USP45: variants seen among roughly 807,000 people sequenced by gnomAD.
USP45 encodes ubiquitin carboxyl-terminal hydrolase 45.
In USP45, 89 loss-of-function variants were observed where a neutral mutation model predicts 95.8. The ratio of observed to expected loss-of-function variants is 0.93; its 90% CI spans 0.78 to 1.11. The LOEUF is 1.11. Among genes scored for constraint, USP45 ranks in the 50% least tolerant of loss-of-function variants. USP45 has a pLI of 0.00. For missense variants in USP45, 898 were observed against 942.5 expected (o/e 0.95, Z 0.62); for synonymous variants, 281 against 316.2 (o/e 0.89, Z 1.18).
At chr6:99,484,137 A>G (rs1793221156) in intron 7 of USP45, among the ~76,000 whole-genome samples, 1 of 148,964 alleles carries the variant, frequency 6.7e-6, no homozygotes, top group Non-Finnish European at 1.5e-5. Flanking sequence ...CACCCAGTCA[A>G]AATTACAGAG....
intron 5 of USP45, among the ~76,000 whole-genome samples, chr6:99,500,452 C>A (rs1797140815): frequency 6.6e-6 from 1 of 152,106 alleles, no homozygotes; most frequent in South Asian, 2.1e-4. Context: ...ATCATACCGT[C>A]CATGCTCCCT....
At chr6:99,497,481 C>A (rs551634012) in intron 5 of USP45, among the ~76,000 whole-genome samples, 1 of 152,206 alleles carries the variant, frequency 6.6e-6, no homozygotes, top group East Asian at 1.9e-4. Flanking sequence ...TGGTGCCCCA[C>A]AATTCCCCTA....
At chr6:99,467,571 CATTA>C (rs1249529507) in intron 10 of USP45, among the ~76,000 whole-genome samples, 1 of 151,802 alleles carries the variant, frequency 6.6e-6, no homozygotes, top group Admixed American at 6.6e-5. Context: ...TATCAGTAAA[CATTA>C]ATTAAAATTG....
intron 13 of USP45, among the ~76,000 whole-genome samples, chr6:99,457,564 ATAT>A (rs1174500481): frequency 6.6e-6 from 1 of 152,204 alleles, no homozygotes; most frequent in African/African-American, 2.4e-5. Context: ...ATATGTACAA[ATAT>A]TATGTACCAA....
rs900703003 is a variant in USP45, at chr6:99,492,615, C to T, written c.479-3795G>A. 2.0e-5 allele frequency among the ~76,000 whole-genome samples: 3 copies of T among 151,772 alleles called. No individual in the cohort carries two copies. In the East Asian group the frequency reaches 5.8e-4, roughly 30 times the overall value. On this transcript the variant is annotated intron_variant, in intron 5 of 17. Coordinates refer to ENST00000500704, the MANE Select transcript of USP45 (RefSeq NM_001346022.3). The stretch of plus-strand genomic sequence containing the variant: ...GTACAAGTGATTCTCGTGCCTCAGT[C>T]TCCTAAGTAGTTGGGATTACAGGCA...
intron 13 of USP45, chr6:99,462,627 G>A: frequency 1.0e-6 from 1 of 985,280 alleles, no homozygotes; most frequent in Non-Finnish European, 1.2e-6. Flanking sequence ...TTTATTTATA[G>A]AAAACATGTT....
Position 99,450,577 on chromosome 6 carries a change from G to A in USP45, c.1309-4114C>T, listed in dbSNP as rs187161921. On this transcript the variant is annotated intron_variant, in intron 13 of 17. Transcript: ENST00000500704. ...AATCAAAAAAAGTTGAGGACCAGAC[G>A]GATTCACAGCCGAATTCTACCAGAG... 2.5e-3 allele frequency among the ~76,000 whole-genome samples: 381 copies of A among 152,222 alleles called. 2 individuals carry two copies. Among genetic ancestry groups the A allele is most frequent in the South Asian group, 0.021 (101 of 4,812 alleles).
At chr6:99,454,537 C>G (rs558745923) in intron 13 of USP45, among the ~76,000 whole-genome samples, 1 of 152,218 alleles carries the variant, frequency 6.6e-6, no homozygotes, top group South Asian at 2.1e-4. Context: ...TATCTGCAAA[C>G]TCTTCATCCT....
intron 10 of USP45, among the ~76,000 whole-genome samples, chr6:99,467,293 G>A (rs1788199816): frequency 6.6e-6 from 1 of 152,168 alleles, no homozygotes; most frequent in African/African-American, 2.4e-5. Context: ...AAAATAACCT[G>A]AGGTTGGGAG....
intron 13 of USP45, chr6:99,462,130 G>C: frequency 1.0e-6 from 1 of 983,824 alleles, no homozygotes; most frequent in Non-Finnish European, 1.2e-6. Context: ...CAAAAAAAAG[G>C]TAACTCTATT....
intron 13 of USP45, among the ~76,000 whole-genome samples, chr6:99,464,083 GA>G (rs1211926039): frequency 6.6e-6 from 1 of 151,772 alleles, no homozygotes; most frequent in Non-Finnish European, 1.5e-5. Context: ...GAGGCGGGCA[GA>G]TCACCTGAGG....
At chr6:99,444,997 G>T (rs972254056) in intron 14 of USP45, among the ~76,000 whole-genome samples, 14 of 152,278 alleles carry the variant, frequency 9.2e-5, no homozygotes, top group African/African-American at 2.9e-4. Flanking sequence ...GGATAAAGAT[G>T]AACTGAAAAT....
At position 99,464,744 on chromosome 6, in the gene USP45, A is replaced by T. The variant is rs765240768; in HGVS notation, c.1168T>A (p.Ser390Thr). ...ATTCTTCCCCAAAGTAAAGGTTTTG[A>T]AACCTATGTAAATGCCACATACAGA... ...ISLPIIEERV[S>T]KPLLWGRMNK... Residue 390 changes from serine (S) to threonine (T), a missense_variant, in exon 13 of 18, where the codon TCA becomes ACA. Transcript: ENST00000500704. The T allele has an allele frequency of 6.2e-6, 10 of 1,601,186 alleles. No individual in the cohort carries two copies. In the Admixed American group the frequency reaches 1.7e-4, roughly 27 times the overall value.
chr6:99,477,480 T>G (rs544595289), intron 8 of USP45, among the ~76,000 whole-genome samples: 1 of 152,124 alleles, frequency 6.6e-6, no homozygotes, highest in East Asian at 1.9e-4. Context: ...GCCCGGCTAA[T>G]TTTTGTATTT....
chr6:99,471,621 C>T (rs879848935), intron 9 of USP45, among the ~76,000 whole-genome samples: 2 of 152,148 alleles, frequency 1.3e-5, no homozygotes, highest in African/African-American at 4.8e-5. Flanking sequence ...GAAAAATTTA[C>T]AATTTCTGCA....
intron 13 of USP45, among the ~76,000 whole-genome samples, chr6:99,452,225 CCAT>C (rs1784031127): frequency 6.6e-6 from 1 of 152,090 alleles, no homozygotes; most frequent in Non-Finnish European, 1.5e-5. Context: ...AAAGAAACTA[CCAT>C]CAGAGTGAAC....
chr6:99,460,099 T>C (rs1278608726), intron 13 of USP45, among the ~76,000 whole-genome samples: 1 of 152,244 alleles, frequency 6.6e-6, no homozygotes, highest in Non-Finnish European at 1.5e-5. Flanking sequence ...TGTATTCACA[T>C]TACCATATCT....
In USP45 at chr6:99,500,197, T is replaced by A. The variant is rs376937570; in HGVS notation, c.478+3568A>T. On this transcript the variant is annotated intron_variant, in intron 5 of 17. Coordinates refer to ENST00000500704, the MANE Select transcript of USP45 (RefSeq NM_001346022.3). ...TGGCATGCAGTGGTGTGATCTCGGCTTACTGCAGCCTCCGCCTCCCGGGTT... is the reference window on the plus strand; with the variant it reads ...TGGCATGCAGTGGTGTGATCTCGGCATACTGCAGCCTCCGCCTCCCGGGTT... Among the ~76,000 whole-genome samples, 57 of 151,828 alleles carry A rather than the reference T, an allele frequency of 3.8e-4. 1 individual carries two copies. In the East Asian group the frequency reaches 3.9e-3, roughly 10 times the overall value.
At position 99,476,166 on chromosome 6, in the gene USP45, C is replaced by A; in HGVS notation, c.910G>T (p.Ala304Ser). 1 of 1,613,900 alleles carries A rather than the reference C, an allele frequency of 6.2e-7. No homozygotes were observed. The highest frequency in any genetic ancestry group is 8.5e-7 in the Non-Finnish European group (1 of 1,179,868). The change falls in exon 9 of 18, where the codon GCA (alanine) becomes TCA (serine). Residue 304 changes from alanine to serine, a missense_variant. By Grantham distance (99) the Ala-to-Ser change is moderately conservative. Transcript: ENST00000500704. ...SQELLHYLLD[A>S]VRTEETKRIQ... is the part of the protein sequence containing the mutation. ...ACCTTTGTTTCTTCTGTCCTCACTG[C>A]ATCCAGAAGATAATGAAGAAGCTCC...
Sources: gnomAD v4.1 joint callset for allele counts (sites outside exome capture counted in the v4.1 genomes callset) on GRCh38, gnomAD v4.1.1 for gene constraint, MANE v1.5 for transcripts, NCBI Gene and HGNC (gene_info 2026-07-23, HGNC 2026-07-21) for gene names.